CACNA2D3: variants seen among roughly 807,000 people sequenced by gnomAD.
The protein encoded by CACNA2D3 is calcium voltage-gated channel auxiliary subunit alpha2delta 3, also known as voltage-dependent calcium channel subunit alpha-2/delta-3.
CACNA2D3 carries 60 observed loss-of-function variants against 160.6 expected under a neutral mutation model. The observed-to-expected ratio is 0.37, with a 90% CI of 0.30 to 0.46. CACNA2D3 has a LOEUF of 0.46. CACNA2D3 is among the 20% of genes least tolerant of loss of function. CACNA2D3 has a pLI of 1.00. For missense variants in CACNA2D3, 1,205 were observed against 1,365.0 expected (o/e 0.88, Z 1.85); for synonymous variants, 558 against 492.9 (o/e 1.13, Z -1.75).
At chr3:54,736,024 CAT>C (rs201663679) in intron 11 of CACNA2D3, among the ~76,000 whole-genome samples, 761 of 65,030 alleles carry the variant, frequency 0.012, 60 homozygotes, top group African/African-American at 0.041. Flanking sequence ...TATACACATA[CAT>C]ATATATATGT....
chr3:54,191,397 A>ACATCATCATCAC (rs773315999), intron 2 of CACNA2D3, among the ~76,000 whole-genome samples: 1 of 149,902 alleles, frequency 6.7e-6, no homozygotes, highest in African/African-American at 2.5e-5. Flanking sequence ...TAAAACATCA[A>ACATCATCATCAC]CATCATCATC....
chr3:54,526,336 G>A (rs188142275), intron 5 of CACNA2D3, among the ~76,000 whole-genome samples: 1 of 152,220 alleles, frequency 6.6e-6, no homozygotes, highest in African/African-American at 2.4e-5. Context: ...CACTCTCACA[G>A]GCAGTTTCTG....
intron 2 of CACNA2D3, among the ~76,000 whole-genome samples, chr3:54,291,439 A>G (rs1379128240): frequency 6.6e-6 from 1 of 151,934 alleles, no homozygotes; most frequent in Non-Finnish European, 1.5e-5. Context: ...TGTTCCTTTG[A>G]TTTTCATTCA....
intron 3 of CACNA2D3, among the ~76,000 whole-genome samples, chr3:54,361,789 C>CAG (rs958397085): frequency 9.9e-5 from 15 of 152,152 alleles, no homozygotes; most frequent in South Asian, 8.3e-4. Flanking sequence ...GAAAGTTATC[C>CAG]AGAGAGAGAG....
At chr3:54,173,446 G>A (rs1700611868) in intron 2 of CACNA2D3, among the ~76,000 whole-genome samples, 1 of 152,198 alleles carries the variant, frequency 6.6e-6, no homozygotes, top group African/African-American at 2.4e-5. Context: ...GGTTGCTAAT[G>A]TGCTGTGATG....
At chr3:54,968,736 A>G (rs2107067761) in intron 28 of CACNA2D3, among the ~76,000 whole-genome samples, 1 of 152,272 alleles carries the variant, frequency 6.6e-6, no homozygotes, top group Middle Eastern at 3.4e-3. Context: ...GAACAGTTTT[A>G]ATTGTGGGAT....
intron 2 of CACNA2D3, among the ~76,000 whole-genome samples, chr3:54,305,915 A>G (rs1456223222): frequency 6.6e-6 from 1 of 152,212 alleles, no homozygotes; most frequent in East Asian, 1.9e-4. Flanking sequence ...TGATGTGGAT[A>G]TCTCCTTGCT....
At chr3:54,296,599 CG>C (rs1559913271) in intron 2 of CACNA2D3, among the ~76,000 whole-genome samples, 1 of 152,144 alleles carries the variant, frequency 6.6e-6, no homozygotes, top group African/African-American at 2.4e-5. Flanking sequence ...CCTCTAATAA[CG>C]GGATGTGTAC....
intron 13 of CACNA2D3, among the ~76,000 whole-genome samples, chr3:54,816,233 A>G (rs923887976): frequency 6.6e-6 from 1 of 152,208 alleles, no homozygotes; most frequent in African/African-American, 2.4e-5. Context: ...AATGTGCTAC[A>G]AAGCAAGAAA....
Position 54,880,847 on chromosome 3 carries a change from T to A in CACNA2D3, c.1896T>A (p.Asn632Lys). The A allele has an allele frequency of 6.2e-7, 1 of 1,613,830 alleles. No individual in the cohort carries two copies. Among genetic ancestry groups the A allele is most frequent in the African/African-American group, 1.3e-5 (1 of 75,028 alleles). ...RGHGKYFFRG[N>K]VTIEEGLHDL... ...ATGGGAAATATTTCTTCCGAGGGAA[T>A]GTAACCATCGAAGAAGGTAAGATAC... The change falls in exon 21 of 38, where the codon AAT becomes AAA. Residue 632 changes from asparagine (N) to lysine (K), a missense_variant. Coordinates refer to ENST00000474759, the MANE Select transcript of CACNA2D3 (RefSeq NM_018398.3).
At chr3:55,042,549 T>G (rs7340659) in intron 35 of CACNA2D3, among the ~76,000 whole-genome samples, 30,669 of 152,084 alleles carry the variant, frequency 0.2, 3,345 homozygotes, top group African/African-American at 0.26. Flanking sequence ...ATTTAAGTTC[T>G]CCTCTTTGAA....
At position 54,752,494 on chromosome 3, in the gene CACNA2D3, T is replaced by C. The variant is rs533771462; in HGVS notation, c.1168-105T>C. 116 of 718,234 alleles carry C rather than the reference T, an allele frequency of 1.6e-4. No homozygotes were observed. In the Admixed American group the frequency reaches 2.4e-3, roughly 15 times the overall value. 44.5% of individuals were successfully genotyped at this position (718,234 alleles called of 1,614,324 possible). ...AATATGTTCCTGCAGATGGGAAGCA[T>C]GGAGCATTAAAGAGGTAAGCCACAT... On this transcript the variant is annotated intron_variant, in intron 11 of 37. Transcript: ENST00000474759.
At chr3:54,905,546 T>C (rs1700432902) in intron 27 of CACNA2D3, among the ~76,000 whole-genome samples, 1 of 152,228 alleles carries the variant, frequency 6.6e-6, no homozygotes, top group Non-Finnish European at 1.5e-5. Flanking sequence ...GTTTTTAAAA[T>C]CTGAGCAAAG....
intron 5 of CACNA2D3, among the ~76,000 whole-genome samples, chr3:54,554,115 G>A (rs748816079): frequency 9.2e-5 from 14 of 152,124 alleles, no homozygotes; most frequent in African/African-American, 1.2e-4. Context: ...TCTTGCTAGC[G>A]TAGGCATTTG....
intron 17 of CACNA2D3, among the ~76,000 whole-genome samples, chr3:54,852,999 G>T (rs1051380016): frequency 2.0e-5 from 3 of 152,050 alleles, no homozygotes; most frequent in Non-Finnish European, 4.4e-5. Flanking sequence ...GGAAATAGCA[G>T]GTCCTTTCGT....
chr3:55,025,060 CAT>C (rs2107168695), intron 35 of CACNA2D3, among the ~76,000 whole-genome samples: 1 of 152,262 alleles, frequency 6.6e-6, no homozygotes, highest in African/African-American at 2.4e-5. Context: ...TAGGCACAAT[CAT>C]ATTTAGTAGA....
chr3:54,516,423 G>A (rs962602100), intron 5 of CACNA2D3, among the ~76,000 whole-genome samples: 6 of 152,066 alleles, frequency 3.9e-5, no homozygotes, highest in South Asian at 2.1e-4. Context: ...CTCACTTCAC[G>A]GTGGTAGAAC....
chr3:54,176,654 C>A (rs1370718428), intron 2 of CACNA2D3, among the ~76,000 whole-genome samples: 1 of 152,226 alleles, frequency 6.6e-6, no homozygotes, highest in Non-Finnish European at 1.5e-5. Context: ...ATTGTCATCT[C>A]ACTCATAGCA....
intron 17 of CACNA2D3, among the ~76,000 whole-genome samples, chr3:54,871,259 A>G (rs1193285111): frequency 6.6e-6 from 1 of 151,772 alleles, no homozygotes; most frequent in Non-Finnish European, 1.5e-5. Flanking sequence ...TTTCCTTTGC[A>G]TCTGGTGTTT....
Sources: gnomAD v4.1 joint callset for allele counts (sites outside exome capture counted in the v4.1 genomes callset) on GRCh38, gnomAD v4.1.1 for gene constraint, MANE v1.5 for transcripts, NCBI Gene and HGNC (gene_info 2026-07-23, HGNC 2026-07-21) for gene names.